The following MECOM variants were observed in gnomAD, a reference collection of about 807,000 sequenced individuals.
MECOM encodes the protein MDS1 and EVI1 complex locus.
A neutral mutation model predicts 116.3 loss-of-function variants in MECOM; 13 were observed. The observed-to-expected ratio is 0.11, with a 90% CI of 0.07 to 0.18. The LOEUF is 0.18. Among genes scored for constraint, MECOM ranks in the 10% least tolerant of loss-of-function variants. The pLI is 1.00. For missense variants in MECOM, 1,299 were observed against 1,509.0 expected (o/e 0.86, Z 2.31); for synonymous variants, 528 against 535.2 (o/e 0.99, Z 0.19).
At chr3:169,554,160 G>A (rs1466216528) in intron 1 of MECOM, among the ~76,000 whole-genome samples, 2 of 152,132 alleles carry the variant, frequency 1.3e-5, no homozygotes, top group African/African-American at 4.8e-5. Flanking sequence ...TTCCCCATCT[G>A]CTGGCAGGAT....
intron 2 of MECOM, among the ~76,000 whole-genome samples, chr3:169,218,820 T>C (rs1453850733): frequency 6.6e-6 from 1 of 152,194 alleles, no homozygotes; most frequent in Non-Finnish European, 1.5e-5. Context: ...CTTACAGTTT[T>C]ATTTTGACAG....
At chr3:169,561,979 C>A (rs147677919) in intron 1 of MECOM, among the ~76,000 whole-genome samples, 3,206 of 151,594 alleles carry the variant, frequency 0.021, 46 homozygotes, top group Non-Finnish European at 0.033. Flanking sequence ...AATCCCATCT[C>A]TACTAAAAAT....
intron 1 of MECOM, among the ~76,000 whole-genome samples, chr3:169,401,039 C>T (rs1735810246): frequency 6.6e-6 from 1 of 152,202 alleles, no homozygotes; most frequent in South Asian, 2.1e-4. Flanking sequence ...AAGCGACTGC[C>T]TGTTTGCTCC....
At chr3:169,632,037 G>T (rs114869442) in intron 1 of MECOM, among the ~76,000 whole-genome samples, 2,848 of 152,208 alleles carry the variant, frequency 0.019, 89 homozygotes, top group African/African-American at 0.065. Context: ...TCCATGAGCT[G>T]CTAAGTTTAG....
At chr3:169,146,626 G>A (rs1740035218) in intron 2 of MECOM, 1 of 1,367,636 alleles carries the variant, frequency 7.3e-7, no homozygotes, top group South Asian at 1.1e-5. Flanking sequence ...GGCGGGGGGC[G>A]CCCGTAGAAA....
intron 2 of MECOM, among the ~76,000 whole-genome samples, chr3:169,290,051 G>A (rs1714194707): frequency 6.6e-6 from 1 of 152,098 alleles, no homozygotes; most frequent in South Asian, 2.1e-4. Flanking sequence ...ACCTTGAGAA[G>A]CCGACAACAG....
chr3:169,600,116 T>G (rs1767655995), intron 1 of MECOM, among the ~76,000 whole-genome samples: 1 of 152,038 alleles, frequency 6.6e-6, no homozygotes, highest in Non-Finnish European at 1.5e-5. Context: ...GGATTAGCTG[T>G]GTGTGCCACC....
At chr3:169,401,090 C>T (rs1156260255) in intron 1 of MECOM, among the ~76,000 whole-genome samples, 1 of 152,192 alleles carries the variant, frequency 6.6e-6, no homozygotes, top group African/African-American at 2.4e-5. Context: ...CCTAGATAGG[C>T]TCTCAGCTTT....
At chr3:169,447,626 G>A (rs1744878076) in intron 1 of MECOM, among the ~76,000 whole-genome samples, 1 of 152,208 alleles carries the variant, frequency 6.6e-6, no homozygotes, top group Non-Finnish European at 1.5e-5. Context: ...ATAGTGGGAA[G>A]CAGAGCACAC....
chr3:169,440,005 A>C (rs1743337570), intron 1 of MECOM, among the ~76,000 whole-genome samples: 2 of 152,140 alleles, frequency 1.3e-5, no homozygotes, highest in Admixed American at 1.3e-4. Context: ...CAATAAAACC[A>C]TTTTTTAAAG....
intron 1 of MECOM, among the ~76,000 whole-genome samples, chr3:169,468,554 A>G (rs902356834): frequency 3.3e-5 from 5 of 152,224 alleles, no homozygotes; most frequent in African/African-American, 9.6e-5. Context: ...TGTTGAATGA[A>G]TGAATCCATT....
At chr3:169,315,277 A>G (rs942647856) in intron 2 of MECOM, among the ~76,000 whole-genome samples, 1 of 152,198 alleles carries the variant, frequency 6.6e-6, no homozygotes, top group Non-Finnish European at 1.5e-5. Context: ...CCTTGACCCT[A>G]GGAACCTAAA....
chr3:169,514,389 TG>T (rs560025229), intron 1 of MECOM, among the ~76,000 whole-genome samples: 2 of 152,056 alleles, frequency 1.3e-5, no homozygotes, highest in Non-Finnish European at 2.9e-5. Flanking sequence ...GGTGAATGGT[TG>T]GGGGACAGAG....
At chr3:169,107,903 A>T in intron 10 of MECOM, 23 bp downstream of exon 10, 1 of 1,607,810 alleles carries the variant, frequency 6.2e-7, no homozygotes. Flanking sequence ...CACTTTAGTC[A>T]AAAATATAAG....
chr3:169,343,259 G>A (rs757474032), intron 2 of MECOM, among the ~76,000 whole-genome samples: 9 of 152,126 alleles, frequency 5.9e-5, no homozygotes, highest in African/African-American at 2.2e-4. Flanking sequence ...ACACTAACTC[G>A]TTGGGACTTC....
At chr3:169,144,955 T>A in intron 2 of MECOM, 1 of 1,504,290 alleles carries the variant, frequency 6.6e-7, no homozygotes, top group Non-Finnish European at 9.1e-7. Flanking sequence ...TTGCATAGAA[T>A]TCAGGCAATC....
intron 5 of MECOM, among the ~76,000 whole-genome samples, chr3:169,126,051 GT>G (rs2149161027): frequency 6.6e-6 from 1 of 152,212 alleles, no homozygotes; most frequent in East Asian, 1.9e-4. Context: ...CAATTGCATA[GT>G]GACATGCTTT....
intron 16 of MECOM, 143 bp from the exon 17 acceptor site, chr3:169,085,186 T>G (rs1717269949): frequency 1.8e-6 from 2 of 1,095,942 alleles, no homozygotes; most frequent in East Asian, 2.6e-5. Flanking sequence ...GAAGGCATAT[T>G]TTTTGTAGAA....
At chr3:169,576,836 CACAGAG>C (rs1329647354) in intron 1 of MECOM, among the ~76,000 whole-genome samples, 6 of 113,314 alleles carry the variant, frequency 5.3e-5, no homozygotes, top group Non-Finnish European at 1.2e-4. Context: ...CACACACACA[CACAGAG>C]AGAGAGAGAG....
Sources: gnomAD v4.1 joint callset for allele counts (sites outside exome capture counted in the v4.1 genomes callset) on GRCh38, gnomAD v4.1.1 for gene constraint, MANE v1.5 for transcripts, NCBI Gene and HGNC (gene_info 2026-07-23, HGNC 2026-07-21) for gene names.